LMO7: variants seen among roughly 807,000 people sequenced by gnomAD.
The protein encoded by LMO7 is LIM domain only protein 7.
A neutral mutation model predicts 206.5 loss-of-function variants in LMO7; 120 were observed. The ratio of observed to expected loss-of-function variants is 0.58; its 90% CI spans 0.50 to 0.68. LMO7 has a LOEUF of 0.68. LMO7 is among the 30% of genes least tolerant of loss of function. The pLI, the probability that LMO7 is intolerant of heterozygous loss-of-function variation, is 0.00. For synonymous variants in LMO7, 706 were observed against 681.5 expected (o/e 1.04, Z -0.56); for missense variants, 1,959 against 1,957.9 (o/e 1.00, Z -0.01).
chr13:75,650,902 CAAG>C (rs2037492387), intron 1 of LMO7, among the ~76,000 whole-genome samples: 2 of 151,924 alleles, frequency 1.3e-5, no homozygotes, highest in Admixed American at 6.6e-5. Flanking sequence ...AAGATCTTTC[CAAG>C]AAGAACATTT....
At chr13:75,843,461 C>T (rs550666325) in intron 25 of LMO7, among the ~76,000 whole-genome samples, 9 of 152,136 alleles carry the variant, frequency 5.9e-5, no homozygotes, top group South Asian at 2.1e-4. Context: ...TGGACACGGC[C>T]GGGAAAGAAC....
intron 26 of LMO7, among the ~76,000 whole-genome samples, chr13:75,847,768 C>T (rs2060113246): frequency 6.6e-6 from 1 of 152,108 alleles, no homozygotes; most frequent in South Asian, 2.1e-4. Context: ...TGATTGTTGC[C>T]TTTTTGGGCA....
intron 1 of LMO7, among the ~76,000 whole-genome samples, chr13:75,698,566 G>A (rs2042055278): frequency 6.6e-6 from 1 of 151,278 alleles, no homozygotes; most frequent in South Asian, 2.1e-4. Context: ...TGGAATTACA[G>A]ATGTGAGACA....
chr13:75,824,129 T>A (rs1414947178), intron 15 of LMO7, among the ~76,000 whole-genome samples: 1 of 152,164 alleles, frequency 6.6e-6, no homozygotes, highest in Non-Finnish European at 1.5e-5. Flanking sequence ...GGCTGGTGTT[T>A]TCTCTATATT....
chr13:75,671,691 T>C (rs2039595621), intron 1 of LMO7, among the ~76,000 whole-genome samples: 1 of 152,182 alleles, frequency 6.6e-6, no homozygotes, highest in Non-Finnish European at 1.5e-5. Context: ...ATTCACGTCT[T>C]ACAATAGAAA....
At chr13:75,780,715 C>A (rs2051200731) in intron 4 of LMO7, among the ~76,000 whole-genome samples, 1 of 152,184 alleles carries the variant, frequency 6.6e-6, no homozygotes, top group South Asian at 2.1e-4. Context: ...TCCATGAAAT[C>A]TTCACAATTT....
chr13:75,817,131 C>T lies in LMO7; in HGVS notation c.1947-30C>T, dbSNP rs757300295. 4 of 1,522,056 alleles carry T rather than the reference C, an allele frequency of 2.6e-6. No individual in the cohort carries two copies. The East Asian group carries it at 6.8e-5, about 26-fold the overall frequency. The allele number at this position is 1,522,056 out of a possible 1,614,324, so 94.3% of individuals were successfully genotyped here. ...CCCCTAAGTCTGGTCATGTGAACTTCCGTAGTAACCATGAGTCTTTTTGTT... is the reference window on the plus strand; with the variant it reads ...CCCCTAAGTCTGGTCATGTGAACTTTCGTAGTAACCATGAGTCTTTTTGTT... On this transcript the variant is annotated intron_variant, in intron 11 of 30. Coordinates refer to ENST00000377534, the MANE Select transcript of LMO7 (RefSeq NM_001306080.2).
chr13:75,855,611 T>C (rs2060868725), intron 29 of LMO7, among the ~76,000 whole-genome samples: 1 of 152,214 alleles, frequency 6.6e-6, no homozygotes, highest in Non-Finnish European at 1.5e-5. Flanking sequence ...ATTCTATACA[T>C]TTACAGTACA....
chr13:75,836,032 G>T (rs1267824560), intron 18 of LMO7, among the ~76,000 whole-genome samples: 1 of 151,976 alleles, frequency 6.6e-6, no homozygotes, highest in Non-Finnish European at 1.5e-5. Context: ...TATTTAATAA[G>T]GAGCTCTTAC....
chr13:75,840,050 A>G (rs1391058338), intron 20 of LMO7, 35 bp from the exon 21 acceptor site: 4 of 1,604,818 alleles, frequency 2.5e-6, no homozygotes, highest in South Asian at 1.1e-5. Flanking sequence ...CTTATATTGT[A>G]TATTTTTCTT....
At chr13:75,743,143 G>A (rs1174428813) in intron 3 of LMO7, among the ~76,000 whole-genome samples, 1 of 152,158 alleles carries the variant, frequency 6.6e-6, no homozygotes, top group Non-Finnish European at 1.5e-5. Flanking sequence ...AATCATTAGA[G>A]AAATGCAAAT....
chr13:75,773,214 A>C (rs753261761), intron 4 of LMO7, among the ~76,000 whole-genome samples: 1 of 152,100 alleles, frequency 6.6e-6, no homozygotes, highest in South Asian at 2.1e-4. Flanking sequence ...CTTCGGGCCT[A>C]CATTCTGATG....
At chr13:75,856,689 G>A (rs777115254) in intron 30 of LMO7, 81 bp downstream of exon 30, 3 of 812,974 alleles carry the variant, frequency 3.7e-6, no homozygotes, top group Non-Finnish European at 6.5e-6. Context: ...AACCTGCAGC[G>A]AGCTCCCCTC....
upstream of LMO7, among the ~76,000 whole-genome samples, chr13:75,634,483 G>C (rs929431231): frequency 6.6e-6 from 1 of 151,966 alleles, no homozygotes; most frequent in Non-Finnish European, 1.5e-5. Flanking sequence ...GCTCACGCCT[G>C]TAATCAAAGC....
intron 1 of LMO7, among the ~76,000 whole-genome samples, chr13:75,702,965 C>T (rs2042379182): frequency 6.6e-6 from 1 of 152,188 alleles, no homozygotes. Context: ...AAGGTTTCAT[C>T]CAACCATATA....
rs555457722 is a variant in LMO7, at chr13:75,704,424, G to A, written c.70-8758G>A. Among the ~76,000 whole-genome samples the A allele has an allele frequency of 8.5e-5, 13 of 152,286 alleles. No individual in the cohort carries two copies. In the East Asian group the frequency reaches 2.1e-3, roughly 25 times the overall value. ...GACCTAGTAGCTGATCTGTCAATTA[G>A]TAAGTAACTTAATTTGGAATCAACT... On this transcript the variant is annotated intron_variant, in intron 1 of 30. Coordinates refer to ENST00000377534, the MANE Select transcript of LMO7 (RefSeq NM_001306080.2).
At chr13:75,677,127 G>C (rs929071521) in intron 1 of LMO7, among the ~76,000 whole-genome samples, 2 of 152,130 alleles carry the variant, frequency 1.3e-5, no homozygotes, top group Non-Finnish European at 2.9e-5. Flanking sequence ...AGCTGGCTGT[G>C]TATACATTAG....
At chr13:75,634,088 C>T (rs1274996624), upstream of LMO7, among the ~76,000 whole-genome samples, 1 of 151,742 alleles carries the variant, frequency 6.6e-6, no homozygotes, top group Non-Finnish European at 1.5e-5. Flanking sequence ...ATCCACCCGC[C>T]TCTGCCTCCC....
At chr13:75,846,121 G>A (rs548315931) in intron 26 of LMO7, among the ~76,000 whole-genome samples, 1 of 151,448 alleles carries the variant, frequency 6.6e-6, no homozygotes, top group African/African-American at 2.4e-5. Flanking sequence ...AAAAAAATCT[G>A]TTTTCATGTG....
Sources: gnomAD v4.1 joint callset for allele counts (sites outside exome capture counted in the v4.1 genomes callset) on GRCh38, gnomAD v4.1.1 for gene constraint, MANE v1.5 for transcripts, NCBI Gene and HGNC (gene_info 2026-07-23, HGNC 2026-07-21) for gene names.